The following GMDS variants were observed in gnomAD, a reference collection of about 807,000 sequenced individuals.
GMDS encodes GDP-mannose 4,6-dehydratase.
Under a neutral mutation model 49.9 loss-of-function variants are expected in GMDS, and 20 were observed. The observed-to-expected ratio is 0.40, with a 90% CI of 0.28 to 0.58. The LOEUF (loss-of-function observed/expected upper bound fraction) is 0.58, where lower values mean the gene tolerates loss of function less well. GMDS is among the 20% of genes least tolerant of loss of function. The pLI is 0.42. For synonymous variants in GMDS, 177 were observed against 178.6 expected, an observed-to-expected ratio of 0.99 and a Z score of 0.07; for missense variants, 362 against 481.4, an observed-to-expected ratio of 0.75 and a Z score of 2.32.
chr6:1,702,655 G>A (rs1765583476), intron 9 of GMDS, among the ~76,000 whole-genome samples: 1 of 152,192 alleles, frequency 6.6e-6, no homozygotes, highest in African/African-American at 2.4e-5. Context: ...GATAAGGGTG[G>A]TGGCCACCTG....
rs938805858 is a variant in GMDS at position 1,705,231 on chromosome 6, C to G, written c.987+21185G>C. Among the ~76,000 whole-genome samples the G allele has an allele frequency of 1.2e-4, 19 of 152,334 alleles. 1 individual carries two copies. Among genetic ancestry groups the G allele is most frequent in the Admixed American group, 1.2e-3 (19 of 15,300 alleles). The stretch of plus-strand genomic sequence containing the variant: ...GAAATAGACACAAATAATCAGAGTA[C>G]AGGTGCACAGAGCCTTTCCAAAGCC... On this transcript the variant is annotated intron_variant, in intron 9 of 10. Coordinates refer to ENST00000380815, the MANE Select transcript of GMDS (RefSeq NM_001500.4).
At chr6:2,216,851 C>T (rs1046816540) in intron 1 of GMDS, among the ~76,000 whole-genome samples, 1 of 152,222 alleles carries the variant, frequency 6.6e-6, no homozygotes, top group African/African-American at 2.4e-5. Context: ...CCCGCCTCTC[C>T]TGGGCAGGTG....
rs540488528 is a variant in GMDS at position 1,635,731 on chromosome 6, C to T, written c.988-11191G>A. On this transcript the variant is annotated intron_variant, in intron 9 of 10. Transcript: ENST00000380815. This position sits in a 1 kb window ranked among gnomAD's most constrained non-coding sequence, Gnocchi z 4.7. ...CCTGGTTCATACTCTGCCAACTTGCCTAAAATGATACTGCGGTGGATGTGA... is the reference window on the plus strand; with the variant it reads ...CCTGGTTCATACTCTGCCAACTTGCTTAAAATGATACTGCGGTGGATGTGA... Among the ~76,000 whole-genome samples, 7 of 152,334 alleles carry T rather than the reference C, an allele frequency of 4.6e-5. No individual in the cohort carries two copies. The South Asian group carries it at 1.0e-3, about 23-fold the overall frequency.
chr6:1,733,795 T>C (rs2113462495), intron 8 of GMDS, among the ~76,000 whole-genome samples: 1 of 150,450 alleles, frequency 6.6e-6, no homozygotes, highest in Admixed American at 6.6e-5. Context: ...GAGGTTGCGG[T>C]GAGCCGAGAT....
intron 6 of GMDS, among the ~76,000 whole-genome samples, chr6:1,934,819 A>G (rs556321281): frequency 1.3e-5 from 2 of 152,274 alleles, no homozygotes; most frequent in East Asian, 3.9e-4. Context: ...AAGAAACTAT[A>G]TAAAAGCATA....
chr6:1,881,477 G>T (rs563857011), intron 7 of GMDS, among the ~76,000 whole-genome samples: 1 of 152,268 alleles, frequency 6.6e-6, no homozygotes, highest in Admixed American at 6.5e-5. Context: ...TAAGGATTTT[G>T]AACTGCCTAA....
At chr6:2,021,361 A>G (rs1768269337) in intron 4 of GMDS, among the ~76,000 whole-genome samples, 1 of 152,214 alleles carries the variant, frequency 6.6e-6, no homozygotes, top group Admixed American at 6.5e-5. Context: ...AAATAAAAAC[A>G]GCAGAGATCA....
intron 4 of GMDS, among the ~76,000 whole-genome samples, chr6:2,092,905 T>C (rs1773401931): frequency 6.6e-6 from 1 of 152,150 alleles, no homozygotes; most frequent in African/African-American, 2.4e-5. Flanking sequence ...TAAAACAGAA[T>C]GATAGATACA....
intron 7 of GMDS, among the ~76,000 whole-genome samples, chr6:1,782,424 C>T (rs1360868829): frequency 6.6e-6 from 1 of 152,154 alleles, no homozygotes; most frequent in Non-Finnish European, 1.5e-5. Flanking sequence ...TCATCAGAGG[C>T]CACAAGAAGC....
intron 4 of GMDS, among the ~76,000 whole-genome samples, chr6:1,982,777 A>T (rs1765295286): frequency 1.3e-5 from 2 of 152,242 alleles, no homozygotes; most frequent in Admixed American, 1.3e-4. Flanking sequence ...GGAAGAATCA[A>T]TATCATGAAA....
intron 7 of GMDS, among the ~76,000 whole-genome samples, chr6:1,797,005 G>A (rs569413863): frequency 1.8e-4 from 27 of 152,292 alleles, no homozygotes; most frequent in African/African-American, 6.3e-4. Context: ...GTGTGCTCAA[G>A]CAGGGATCCC....
At chr6:2,223,770 G>A (rs1054243791) in intron 1 of GMDS, among the ~76,000 whole-genome samples, 1 of 152,182 alleles carries the variant, frequency 6.6e-6, no homozygotes, top group Admixed American at 6.5e-5. Flanking sequence ...AGTAGGAGAT[G>A]TCTATGAAAT....
intron 1 of GMDS, among the ~76,000 whole-genome samples, chr6:2,127,599 G>A (rs1312006457): frequency 6.6e-6 from 1 of 152,144 alleles, no homozygotes; most frequent in Non-Finnish European, 1.5e-5. Flanking sequence ...TAGTGGCACC[G>A]GCTTCCTCCT....
chr6:1,723,158 T>G (rs1461730431), intron 9 of GMDS, among the ~76,000 whole-genome samples: 1 of 152,172 alleles, frequency 6.6e-6, no homozygotes. Flanking sequence ...ACTGGTGGCC[T>G]CTTTCAAGCT....
At chr6:2,086,264 G>A (rs1343437755) in intron 4 of GMDS, among the ~76,000 whole-genome samples, 6 of 152,168 alleles carry the variant, frequency 3.9e-5, no homozygotes. Context: ...CTGACCTAGA[G>A]GCTGGCAGTT....
rs1434603627 is a variant in GMDS, at chr6:2,245,318, C to A, written c.102+3G>T. ...GCCGGCGCGCCCCCGCCCCCGCACT[C>A]ACCTGGCCTGTGATACCGGTGATGA... is the stretch of plus-strand genomic sequence containing the variant. On this transcript the variant is annotated splice_donor_region_variant and intron_variant, in intron 1 of 10. Coordinates refer to ENST00000380815, the MANE Select transcript of GMDS (RefSeq NM_001500.4). The A allele has an allele frequency of 1.3e-6, 2 of 1,537,092 alleles. No individual in the cohort carries two copies. The highest frequency in any genetic ancestry group is 1.8e-4 in the Middle Eastern group (1 of 5,450).
chr6:1,781,202 G>A (rs1408208765), intron 7 of GMDS, among the ~76,000 whole-genome samples: 2 of 152,044 alleles, frequency 1.3e-5, no homozygotes, highest in Non-Finnish European at 2.9e-5. Flanking sequence ...CAGGCCTCAC[G>A]AAGGGGTCTC....
chr6:1,934,977 C>T (rs958119674), intron 6 of GMDS, among the ~76,000 whole-genome samples: 8 of 152,184 alleles, frequency 5.3e-5, no homozygotes, highest in African/African-American at 1.9e-4. Context: ...TTTGCTAAGC[C>T]ACAGTGCAAT....
chr6:1,865,813 G>A (rs1367307081), intron 7 of GMDS, among the ~76,000 whole-genome samples: 3 of 152,016 alleles, frequency 2.0e-5, no homozygotes, highest in Non-Finnish European at 4.4e-5. Context: ...GAAAAATGCT[G>A]CTTTATATCT....
Sources: allele counts gnomAD v4.1 joint callset (sites outside exome capture counted in the v4.1 genomes callset), GRCh38; gene constraint gnomAD v4.1.1; non-coding constraint Gnocchi (gnomAD v3.1); transcripts MANE v1.5; gene names NCBI Gene and HGNC (gene_info 2026-07-23, HGNC 2026-07-21).